The following ADAMTS3 variants were observed in gnomAD, a reference collection of about 807,000 sequenced individuals.
ADAMTS3 encodes the protein ADAM metallopeptidase with thrombospondin type 1 motif 3.
Under a neutral mutation model 129.0 loss-of-function variants are expected in ADAMTS3, and 73 were observed. The observed-to-expected ratio is 0.57, with a 90% CI of 0.47 to 0.69. ADAMTS3 has a LOEUF of 0.69. ADAMTS3 is among the 30% of genes least tolerant of loss of function. ADAMTS3 has a pLI of 0.00. For synonymous variants in ADAMTS3, 477 were observed against 510.8 expected, an observed-to-expected ratio of 0.93 and a Z score of 0.89; for missense variants, 1,457 against 1,514.5, an observed-to-expected ratio of 0.96 and a Z score of 0.63.
chr4:72,547,738 A>T (rs1038179995), intron 3 of ADAMTS3, among the ~76,000 whole-genome samples: 1 of 152,206 alleles, frequency 6.6e-6, no homozygotes, highest in Non-Finnish European at 1.5e-5. Context: ...AAAAAGACAG[A>T]AAACACCAAC....
At chr4:72,543,281 G>A (rs1016467162) in intron 3 of ADAMTS3, among the ~76,000 whole-genome samples, 1 of 152,040 alleles carries the variant, frequency 6.6e-6, no homozygotes, top group African/African-American at 2.4e-5. Context: ...AACTAATACA[G>A]CTACCATGGG....
At chr4:72,505,203 T>C (rs1206528073) in intron 3 of ADAMTS3, among the ~76,000 whole-genome samples, 1 of 152,176 alleles carries the variant, frequency 6.6e-6, no homozygotes. Flanking sequence ...CTAATTTTTA[T>C]AGTTATTTTC....
chr4:72,448,339 C>T (rs13116502), intron 3 of ADAMTS3, among the ~76,000 whole-genome samples: 100,124 of 151,612 alleles, frequency 0.66, 33,249 homozygotes, highest in South Asian at 0.79. Flanking sequence ...GGATTCAGTA[C>T]GATGTAATTT....
chr4:72,434,175 C>CA (rs1722764274), intron 3 of ADAMTS3, among the ~76,000 whole-genome samples: 2 of 151,904 alleles, frequency 1.3e-5, no homozygotes, highest in South Asian at 2.1e-4. Context: ...AGCTCCCCCC[C>CA]ACCAAGAGAA....
At chr4:72,372,688 T>TA (rs1395528330) in intron 4 of ADAMTS3, among the ~76,000 whole-genome samples, 3 of 151,952 alleles carry the variant, frequency 2.0e-5, no homozygotes, top group Non-Finnish European at 4.4e-5. Context: ...TAGAATTTTT[T>TA]AAAAAAATAT....
At chr4:72,542,376 G>T (rs1304264171) in intron 3 of ADAMTS3, among the ~76,000 whole-genome samples, 1 of 152,116 alleles carries the variant, frequency 6.6e-6, no homozygotes, top group East Asian at 1.9e-4. Flanking sequence ...ACGTTAGCCA[G>T]GATGGTCTCG....
At chr4:72,314,993 A>G (rs1335161291) in intron 11 of ADAMTS3, among the ~76,000 whole-genome samples, 1 of 152,176 alleles carries the variant, frequency 6.6e-6, no homozygotes, top group Non-Finnish European at 1.5e-5. Flanking sequence ...TGCCCTTATG[A>G]GTAGCATAGC....
At chr4:72,296,774 C>A (rs1279947330) in intron 18 of ADAMTS3, among the ~76,000 whole-genome samples, 1 of 151,956 alleles carries the variant, frequency 6.6e-6, no homozygotes, top group Non-Finnish European at 1.5e-5. Context: ...CAGACCTATT[C>A]AAAAATGTTC....
At position 72,283,174 on chromosome 4, in the gene ADAMTS3, T is replaced by A; in HGVS notation, c.3580A>T (p.Asn1194Tyr). The change falls in exon 22 of 22, where the codon AAC becomes TAC. Residue 1194 changes from asparagine (N) to tyrosine (Y), a missense_variant. Coordinates refer to ENST00000286657, the MANE Select transcript of ADAMTS3 (RefSeq NM_014243.3). ...TSKKDGKIID[N>Y]RRPTRSSTLE... ...GTGGATGATCTTGTCGGACGTCTGT[T>A]GTCAATGATCTTTCCATCTTTCTTT... 1 of 1,613,228 alleles carries A rather than the reference T, an allele frequency of 6.2e-7. No homozygotes were observed. Among genetic ancestry groups the A allele is most frequent in the Non-Finnish European group, 8.5e-7 (1 of 1,179,510 alleles).
At chr4:72,412,050 T>C (rs1216694226) in intron 4 of ADAMTS3, among the ~76,000 whole-genome samples, 1 of 152,086 alleles carries the variant, frequency 6.6e-6, no homozygotes. Context: ...AGCCAATTAC[T>C]GTGACAACTA....
At chr4:72,519,976 C>G (rs1302579138) in intron 3 of ADAMTS3, among the ~76,000 whole-genome samples, 13 of 150,564 alleles carry the variant, frequency 8.6e-5, no homozygotes, top group African/African-American at 1.5e-4. Flanking sequence ...GTTTTATCTA[C>G]TTTTGGTCTT....
intron 3 of ADAMTS3, among the ~76,000 whole-genome samples, chr4:72,447,277 T>G (rs1718280019): frequency 6.6e-6 from 1 of 151,732 alleles, no homozygotes; most frequent in Non-Finnish European, 1.5e-5. Flanking sequence ...AAAGGAGCAA[T>G]TAAAGAAGCT....
At chr4:72,413,884 G>C (rs746700805) in intron 4 of ADAMTS3, among the ~76,000 whole-genome samples, 22 of 151,548 alleles carry the variant, frequency 1.5e-4, no homozygotes, top group Non-Finnish European at 2.2e-4. Context: ...AAATTTTCAA[G>C]ATATGTTAAC....
rs182265203 is a variant in ADAMTS3, at chr4:72,526,204, G to C, written c.504+22274C>G. On this transcript the variant is annotated intron_variant, in intron 3 of 21. Coordinates refer to ENST00000286657, the MANE Select transcript of ADAMTS3 (RefSeq NM_014243.3). ...GCCCCACCGTAACCCTGGCTGGCTT[G>C]AGAAAAGTTGGCAGAGAGAGTCCAG... 2.2e-4 allele frequency among the ~76,000 whole-genome samples: 34 copies of C among 152,272 alleles called. No homozygotes were observed. In the South Asian group the frequency reaches 2.5e-3, roughly 11 times the overall value.
intron 3 of ADAMTS3, among the ~76,000 whole-genome samples, chr4:72,488,355 GGATT>G (rs1018171192): frequency 6.6e-6 from 1 of 151,886 alleles, no homozygotes; most frequent in Non-Finnish European, 1.5e-5. Flanking sequence ...TGAATTTTAA[GGATT>G]TATTTCTAGA....
At chr4:72,481,356 C>G (rs1379223791) in intron 3 of ADAMTS3, among the ~76,000 whole-genome samples, 1 of 152,044 alleles carries the variant, frequency 6.6e-6, no homozygotes, top group African/African-American at 2.4e-5. Context: ...AAATACATAG[C>G]CCAATGGAAC....
At chr4:72,284,796 C>T (rs1718457878) in intron 21 of ADAMTS3, among the ~76,000 whole-genome samples, 1 of 151,974 alleles carries the variant, frequency 6.6e-6, no homozygotes, top group Non-Finnish European at 1.5e-5. Context: ...TTATTGATTC[C>T]AGGTTACAAG....
intron 4 of ADAMTS3, among the ~76,000 whole-genome samples, chr4:72,359,487 T>C (rs1473930548): frequency 1.3e-5 from 2 of 152,026 alleles, no homozygotes; most frequent in Non-Finnish European, 2.9e-5. Context: ...TTTAATACCA[T>C]GGGCATGTAA....
At chr4:72,456,092 A>T (rs1407725533) in intron 3 of ADAMTS3, among the ~76,000 whole-genome samples, 1,599 of 3,804 alleles carry the variant, frequency 0.42, 52 homozygotes, top group Middle Eastern at 0.5. Flanking sequence ...TATATATTTT[A>T]TATATATAGT....
Sources: allele counts gnomAD v4.1 joint callset (sites outside exome capture counted in the v4.1 genomes callset), GRCh38; gene constraint gnomAD v4.1.1; transcripts MANE v1.5; gene names NCBI Gene and HGNC (gene_info 2026-07-23, HGNC 2026-07-21).